RIMS2: variants seen among roughly 807,000 people sequenced by gnomAD.
The protein encoded by RIMS2 is regulating synaptic membrane exocytosis 2.
A neutral mutation model predicts 174.4 loss-of-function variants in RIMS2; 59 were observed. The ratio of observed to expected loss-of-function variants is 0.34; its 90% confidence interval spans 0.27 to 0.42. RIMS2 has a LOEUF of 0.42. Ranked by LOEUF, RIMS2 falls within the 10% of genes least tolerant of loss-of-function variation. RIMS2 has a pLI of 1.00. For missense variants in RIMS2, 1,620 were observed against 1,666.3 expected, an observed-to-expected ratio of 0.97 and a Z score of 0.48; for synonymous variants, 606 against 572.5, an observed-to-expected ratio of 1.06 and a Z score of -0.84.
chr8:104,135,730 T>A (rs1288683642), intron 19 of RIMS2, among the ~76,000 whole-genome samples: 1 of 151,500 alleles, frequency 6.6e-6, no homozygotes, highest in Non-Finnish European at 1.5e-5. Flanking sequence ...GGAGGGATAC[T>A]CAAAAGTTTA....
chr8:103,745,930 T>A (rs1278974018), intron 2 of RIMS2, among the ~76,000 whole-genome samples: 1 of 152,238 alleles, frequency 6.6e-6, no homozygotes, highest in Non-Finnish European at 1.5e-5. Flanking sequence ...AAATGTCCTT[T>A]GATACTTAAA....
intron 3 of RIMS2, among the ~76,000 whole-genome samples, chr8:103,846,251 G>T (rs2154490455): frequency 6.6e-6 from 1 of 152,162 alleles, no homozygotes; most frequent in East Asian, 1.9e-4. Flanking sequence ...CTTAGAAAAA[G>T]AAAGAAAAAG....
chr8:104,247,988 G>A (rs959130238), intron 20 of RIMS2, among the ~76,000 whole-genome samples: 5 of 152,218 alleles, frequency 3.3e-5, no homozygotes, highest in Non-Finnish European at 7.3e-5. Flanking sequence ...GGTTAAGGCT[G>A]AGTGGCAGAA....
intron 19 of RIMS2, among the ~76,000 whole-genome samples, chr8:104,085,874 A>T (rs1192180099): frequency 6.6e-6 from 1 of 152,138 alleles, no homozygotes; most frequent in African/African-American, 2.4e-5. Flanking sequence ...ATTGAATTTG[A>T]TGTGCCAGCA....
chr8:104,041,172 G>A (rs2096602250), intron 19 of RIMS2, among the ~76,000 whole-genome samples, 154 bp from the exon 22 acceptor site: 1 of 151,580 alleles, frequency 6.6e-6, no homozygotes, highest in African/African-American at 2.4e-5. Context: ...TTTGTGGAAT[G>A]CATTTGATTA....
At chr8:104,120,023 T>C (rs948038138) in intron 19 of RIMS2, among the ~76,000 whole-genome samples, 10 of 152,218 alleles carry the variant, frequency 6.6e-5, no homozygotes, top group African/African-American at 2.4e-4. Flanking sequence ...CCTTATGCTA[T>C]AATAGAGACA....
chr8:103,699,198 C>T (rs186881138), intron 2 of RIMS2, among the ~76,000 whole-genome samples: 2 of 152,106 alleles, frequency 1.3e-5, no homozygotes, highest in African/African-American at 2.4e-5. Flanking sequence ...TCTTTCATTC[C>T]TGATATTGGT....
chr8:103,920,936 T>C (rs1370041525), intron 9 of RIMS2: 1 of 308,090 alleles, frequency 3.2e-6, no homozygotes, highest in Non-Finnish European at 6.3e-6. Flanking sequence ...GAGGCGGAGC[T>C]TGCAGTGAGC....
chr8:103,604,012 A>G (rs959255505), intron 1 of RIMS2, among the ~76,000 whole-genome samples: 3 of 148,770 alleles, frequency 2.0e-5, no homozygotes, highest in Admixed American at 6.7e-5. Context: ...ATTAGATCCC[A>G]TTTGTCTATT....
chr8:103,908,790 C>T (rs1017503298), intron 4 of RIMS2, among the ~76,000 whole-genome samples: 9 of 152,152 alleles, frequency 5.9e-5, no homozygotes, highest in Non-Finnish European at 1.3e-4. Flanking sequence ...TGTCATACAA[C>T]CTAGTCTCTA....
intron 3 of RIMS2, among the ~76,000 whole-genome samples, chr8:103,791,514 A>G (rs2098499147): frequency 1.3e-5 from 2 of 152,198 alleles, no homozygotes; most frequent in Admixed American, 1.3e-4. Flanking sequence ...TGCATCAACT[A>G]ACGAGCAAAA....
chr8:103,612,198 C>G (rs1348348042), intron 1 of RIMS2, among the ~76,000 whole-genome samples: 1 of 152,072 alleles, frequency 6.6e-6, no homozygotes, highest in Non-Finnish European at 1.5e-5. Context: ...CCTGTGTTAT[C>G]TTGAATTTCT....
At chr8:103,526,307 A>G (rs986813406) in intron 1 of RIMS2, among the ~76,000 whole-genome samples, 1 of 152,196 alleles carries the variant, frequency 6.6e-6, no homozygotes, top group African/African-American at 2.4e-5. Context: ...ATTGTTAATG[A>G]CTCTAGCTAC....
chr8:104,006,728 C>A (rs566404866), intron 17 of RIMS2, among the ~76,000 whole-genome samples: 1 of 149,688 alleles, frequency 6.7e-6, no homozygotes, highest in East Asian at 2.0e-4. Context: ...ACATATGCTT[C>A]CTTCACTCCA....
intron 2 of RIMS2, 108 bp downstream of exon 4, chr8:103,697,404 CA>C: frequency 2.2e-6 from 2 of 921,470 alleles, no homozygotes; most frequent in South Asian, 1.4e-5. Flanking sequence ...TTGAAATTAG[CA>C]AAAACATTTT....
At chr8:104,035,125 CTTTGA>C in intron 19 of RIMS2, among the ~76,000 whole-genome samples, 1 of 152,078 alleles carries the variant, frequency 6.6e-6, no homozygotes, top group South Asian at 2.1e-4. Flanking sequence ...TGATTATGAG[CTTTGA>C]TTTGTTATTT....
At chr8:104,186,560 G>A (rs76087420) in intron 19 of RIMS2, among the ~76,000 whole-genome samples, 1,897 of 151,838 alleles carry the variant, frequency 0.012, 78 homozygotes, top group East Asian at 0.12. Context: ...AGAATTAGTA[G>A]CTCCCTTTGT....
intron 1 of RIMS2, among the ~76,000 whole-genome samples, chr8:103,511,571 T>C (rs542981658): frequency 5.3e-5 from 8 of 152,366 alleles, no homozygotes; most frequent in African/African-American, 1.9e-4. Context: ...GTGTATGTTA[T>C]GATTAAACTT....
intron 19 of RIMS2, among the ~76,000 whole-genome samples, chr8:104,035,117 A>C (rs12682275): frequency 0.23 from 34,523 of 152,024 alleles, 4,491 homozygotes; most frequent in Non-Finnish European, 0.28. Flanking sequence ...CTTTAAAATG[A>C]TTATGAGCTT....
Sources: allele counts gnomAD v4.1 joint callset (sites outside exome capture counted in the v4.1 genomes callset), GRCh38; gene constraint gnomAD v4.1.1; transcripts MANE v1.5; gene names NCBI Gene and HGNC (gene_info 2026-07-23, HGNC 2026-07-21).